The following LRP11 variants were observed in gnomAD, a reference collection of about 807,000 sequenced individuals.
LRP11 encodes the protein low-density lipoprotein receptor-related protein 11.
A neutral mutation model predicts 43.1 loss-of-function variants in LRP11; 25 were observed. The observed-to-expected ratio is 0.58, with a 90% CI of 0.42 to 0.81. The LOEUF is 0.81. LRP11 is among the 30% of genes least tolerant of loss of function. The pLI is 0.00. For missense variants in LRP11, 623 were observed against 665.1 expected (o/e 0.94, Z 0.70); for synonymous variants, 316 against 299.4 (o/e 1.06, Z -0.57).
In LRP11 at chr6:149,863,421, GGC is replaced by G. The variant is rs1433973499; in HGVS notation, c.598_599del (p.Ala200LeufsTer12). ...PDGAALATAR[A>X]SPRQEKDAPP... ...TCGCGCGCTTACCCTGCCGGGGCGAGGCGCGCGCGGTGGCCAGGGCGGCGCCG... is the reference window on the plus strand; with the variant it reads ...TCGCGCGCTTACCCTGCCGGGGCGAGGCGCGCGGTGGCCAGGGCGGCGCCG... On this transcript the variant is annotated frameshift_variant, in exon 1 of 7. Coordinates refer to ENST00000239367, the MANE Select transcript of LRP11 (RefSeq NM_032832.6). LOFTEE classifies it high-confidence loss of function. 2 of 1,321,054 alleles carry G rather than the reference GGC, an allele frequency of 1.5e-6. No individual in the cohort carries two copies. Among genetic ancestry groups the G allele is most frequent in the Admixed American group, 3.9e-5 (1 of 25,542 alleles). The allele number at this position is 1,321,054 out of a possible 1,614,324, so 81.8% of individuals were successfully genotyped here.
At position 149,864,135 on chromosome 6, in the gene LRP11, C is replaced by A. The variant is rs1450663408; in HGVS notation, c.-115G>T. The A allele has an allele frequency of 2.6e-6, 3 of 1,167,338 alleles. No homozygotes were observed. Among genetic ancestry groups the A allele is most frequent in the Non-Finnish European group, 3.2e-6 (3 of 947,364 alleles). The allele number at this position is 1,167,338 out of a possible 1,614,324, so 72.3% of individuals were successfully genotyped here. On this transcript the variant is annotated 5_prime_UTR_variant, in exon 1 of 7. Coordinates refer to ENST00000239367, the MANE Select transcript of LRP11 (RefSeq NM_032832.6). ...CTGCGCGGCCGCGGCTGGCTCTAGG[C>A]CCCGGCCTCACAGCGCGGCGCCCCC... is the stretch of plus-strand genomic sequence containing the variant.
Position 149,864,244 on chromosome 6 carries a change from C to T in LRP11, c.-224G>A. On this transcript the variant is annotated 5_prime_UTR_variant, in exon 1 of 7. Transcript: ENST00000239367. Reference sequence around the variant, plus strand: ...ATAGCCGGCCCAGCCGGGCACCGCTCCTTGCCCTCGCCGGAGACTGCCCAG... The same window carrying T: ...ATAGCCGGCCCAGCCGGGCACCGCTTCTTGCCCTCGCCGGAGACTGCCCAG... 9.2e-7 allele frequency: 1 copy of T among 1,089,392 alleles called. No homozygotes were observed. Among genetic ancestry groups the T allele is most frequent in the East Asian group, 6.0e-5 (1 of 16,632 alleles). 67.5% of individuals were successfully genotyped at this position (1,089,392 alleles called of 1,614,324 possible). A position where few individuals can be genotyped will look rare whatever the true frequency, so the allele number is the denominator to read the frequency against.
chr6:149,845,368 A>G (rs1776616810), intron 2 of LRP11, among the ~76,000 whole-genome samples: 1 of 152,238 alleles, frequency 6.6e-6, no homozygotes, highest in Non-Finnish European at 1.5e-5. Flanking sequence ...ACAGTGACAG[A>G]ATTGAGACCT....
intron 1 of LRP11, among the ~76,000 whole-genome samples, chr6:149,856,914 A>G (rs1237014248): frequency 6.6e-6 from 1 of 152,274 alleles, no homozygotes; most frequent in East Asian, 1.9e-4. Context: ...AGAGGCTCAG[A>G]TACATGCGGT....
intron 2 of LRP11, among the ~76,000 whole-genome samples, chr6:149,843,653 T>G (rs147736641): frequency 1.4e-4 from 21 of 152,258 alleles, no homozygotes; most frequent in African/African-American, 4.8e-4. Flanking sequence ...CTCTTTCAAA[T>G]GGCTCTGCTA....
intron 5 of LRP11, among the ~76,000 whole-genome samples, chr6:149,828,512 AG>A (rs1167518627): frequency 6.7e-6 from 1 of 149,780 alleles, no homozygotes; most frequent in African/African-American, 2.5e-5. Context: ...TTTTTGAGAC[AG>A]GGTCTCCCTT....
Position 149,853,125 on chromosome 6 carries a change from C to A in LRP11, c.649G>T (p.Asp217Tyr). ...TCTGTGGGCAGATGCAGAACCACAT[C>A]CTGCCCAGCCTTGCTAAGTGGAGGC... The part of the protein sequence containing the change: ...DAPPLSKAGQ[D>Y]VVLHLPTDGV... Residue 217 changes from aspartate to tyrosine, a missense_variant, in exon 2 of 7, where the codon GAT (aspartate) becomes TAT (tyrosine). Transcript: ENST00000239367. 2 of 1,606,948 alleles carry A rather than the reference C, an allele frequency of 1.2e-6. No individual in the cohort carries two copies. Among genetic ancestry groups the A allele is most frequent in the South Asian group, 2.2e-5 (2 of 89,776 alleles).
Position 149,863,686 on chromosome 6 carries a change from G to T in LRP11, c.335C>A (p.Ala112Glu), listed in dbSNP as rs778788219. Residue 112 changes from alanine to glutamate, a missense_variant, in exon 1 of 7, where the codon GCG becomes GAG. Coordinates refer to ENST00000239367, the MANE Select transcript of LRP11 (RefSeq NM_032832.6). ...CGCCCGCAGGAAGCTGGCACCCGCC[G>T]CCAGGGAGTCCTTGGTGCGGATGAT... is the stretch of plus-strand genomic sequence containing the variant. ...DAIIRTKDSL[A>E]AGASFLRAPA... 5 of 1,477,538 alleles carry T rather than the reference G, an allele frequency of 3.4e-6. No homozygotes were observed. In the African/African-American group the frequency reaches 7.3e-5, roughly 22 times the overall value. 91.5% of individuals were successfully genotyped at this position (1,477,538 alleles called of 1,614,324 possible).
intron 3 of LRP11, chr6:149,842,431 A>G (rs1190630734): frequency 3.5e-6 from 2 of 575,004 alleles, no homozygotes; most frequent in Admixed American, 3.4e-5. Flanking sequence ...CTGTTTTAGC[A>G]ATTTTGAAAC....
At chr6:149,829,480 G>A (rs1293653468) in intron 5 of LRP11, among the ~76,000 whole-genome samples, 3 of 151,968 alleles carry the variant, frequency 2.0e-5, no homozygotes, top group Admixed American at 1.3e-4. Context: ...TGAATCGCTT[G>A]AATTTGGGAG....
intron 1 of LRP11, among the ~76,000 whole-genome samples, chr6:149,859,396 A>ATATATATATATATATATATATTTTTT: frequency 2.8e-5 from 2 of 71,494 alleles, no homozygotes; most frequent in Non-Finnish European, 4.6e-5. Context: ...ATATATATAT[A>ATATATATATATATATATATATTTTTT]TTTTTTTTTT....
chr6:149,832,934 G>A (rs1377040033), intron 5 of LRP11, among the ~76,000 whole-genome samples: 2 of 151,554 alleles, frequency 1.3e-5, no homozygotes, highest in Non-Finnish European at 2.9e-5. Context: ...TCAGCCTCCC[G>A]AGTAGCTGGG....
At chr6:149,843,733 C>CT (rs1167847798) in intron 2 of LRP11, among the ~76,000 whole-genome samples, 1 of 152,174 alleles carries the variant, frequency 6.6e-6, no homozygotes, top group Non-Finnish European at 1.5e-5. Flanking sequence ...TCCCTGAGCT[C>CT]TAAGGGCTCA....
At chr6:149,840,959 A>C (rs1166857544) in intron 3 of LRP11, among the ~76,000 whole-genome samples, 1 of 152,146 alleles carries the variant, frequency 6.6e-6, no homozygotes, top group Admixed American at 6.5e-5. Context: ...GCTGAGCTGG[A>C]CAGACTGTTT....
At chr6:149,857,034 T>C (rs1040115055) in intron 1 of LRP11, among the ~76,000 whole-genome samples, 1 of 152,218 alleles carries the variant, frequency 6.6e-6, no homozygotes, top group Non-Finnish European at 1.5e-5. Flanking sequence ...CTTCTCCCTA[T>C]GGTGCTGCTG....
chr6:149,826,669 G>A (rs1376054534), intron 5 of LRP11, among the ~76,000 whole-genome samples: 1 of 152,066 alleles, frequency 6.6e-6, no homozygotes, highest in Non-Finnish European at 1.5e-5. Flanking sequence ...GGAGTCTCCG[G>A]ATATCACGCC....
At chr6:149,851,036 CA>C (rs1776711304) in intron 2 of LRP11, among the ~76,000 whole-genome samples, 1 of 152,140 alleles carries the variant, frequency 6.6e-6, no homozygotes. Context: ...CTTTGGGTGA[CA>C]TTCATGAATG....
intron 6 of LRP11, among the ~76,000 whole-genome samples, chr6:149,820,931 T>C (rs1167877277): frequency 2.1e-5 from 3 of 145,822 alleles, no homozygotes; most frequent in Non-Finnish European, 4.5e-5. Flanking sequence ...ACCTAGACTT[T>C]TTTTTTTTTT....
chr6:149,847,013 G>GAATAC (rs1776646502), intron 2 of LRP11, among the ~76,000 whole-genome samples: 1 of 146,914 alleles, frequency 6.8e-6, no homozygotes, highest in Non-Finnish European at 1.5e-5. Context: ...GAATAGAATA[G>GAATAC]AATAAACCAA....
Sources: allele counts gnomAD v4.1 joint callset (sites outside exome capture counted in the v4.1 genomes callset), GRCh38; gene constraint gnomAD v4.1.1; transcripts MANE v1.5; gene names NCBI Gene and HGNC (gene_info 2026-07-23, HGNC 2026-07-21).